EXT2: variants seen among roughly 807,000 people sequenced by gnomAD.
EXT2 encodes exostosin-2.
EXT2 carries 53 observed loss-of-function variants against 81.6 expected under a neutral mutation model. The observed-to-expected ratio is 0.65, with a 90% CI of 0.52 to 0.82. The LOEUF (loss-of-function observed/expected upper bound fraction) is 0.82. EXT2 is among the 40% of genes least tolerant of loss of function. The pLI, the probability that EXT2 is intolerant of heterozygous loss-of-function variation, is 0.00. For synonymous variants in EXT2, 320 were observed against 340.0 expected, an observed-to-expected ratio of 0.94 and a Z score of 0.65; for missense variants, 774 against 910.2, an observed-to-expected ratio of 0.85 and a Z score of 1.93.
chr11:44,189,473 C>T (rs1955362067), intron 8 of EXT2, among the ~76,000 whole-genome samples: 1 of 152,156 alleles, frequency 6.6e-6, no homozygotes, highest in Admixed American at 6.5e-5. Flanking sequence ...GCTGTACAGG[C>T]TTCTGCTTCT....
rs1590676431 is a variant in EXT2 at position 44,244,350 on chromosome 11, A to G, written c.*63A>G. The G allele has an allele frequency of 1.9e-6, 3 of 1,579,332 alleles. No homozygotes were observed. The East Asian group carries it at 6.7e-5, about 35-fold the overall frequency. ...ACAGAGGGAGAGAACAAGGCCTCCC[A>G]GCACTCTGATGTCAGAGTAGTAGGT... On this transcript the variant is annotated 3_prime_UTR_variant, in exon 14 of 14. Transcript: ENST00000533608.
chr11:44,096,346 T>C (rs762836059), intron 1 of EXT2: 9 of 1,529,684 alleles, frequency 5.9e-6, no homozygotes, highest in Non-Finnish European at 7.9e-6. Context: ...AGGGGCATGT[T>C]ATGCCGGGGA....
chr11:44,238,241 G>A (rs1215741885), intron 13 of EXT2, among the ~76,000 whole-genome samples: 1 of 152,140 alleles, frequency 6.6e-6, no homozygotes, highest in Non-Finnish European at 1.5e-5. Context: ...GTTGTGTGGT[G>A]ATACAATCAT....
intron 7 of EXT2, among the ~76,000 whole-genome samples, chr11:44,139,280 A>G (rs1954613833): frequency 6.6e-6 from 1 of 151,576 alleles, no homozygotes; most frequent in Non-Finnish European, 1.5e-5. Flanking sequence ...AAAAAATGGT[A>G]CTGAGCCTTT....
intron 6 of EXT2, among the ~76,000 whole-genome samples, chr11:44,129,756 T>C (rs2079307603): frequency 6.6e-6 from 1 of 152,182 alleles, no homozygotes; most frequent in Non-Finnish European, 1.5e-5. Context: ...TGTGTTCAAG[T>C]GACTGAAATA....
intron 10 of EXT2, among the ~76,000 whole-genome samples, chr11:44,226,168 C>T (rs1955836260): frequency 6.6e-6 from 1 of 152,142 alleles, no homozygotes; most frequent in African/African-American, 2.4e-5. Context: ...TGCCCCAGTA[C>T]CAAGGTACCA....
chr11:44,101,300 C>T (rs542232701), intron 1 of EXT2, among the ~76,000 whole-genome samples: 28 of 152,256 alleles, frequency 1.8e-4, no homozygotes, highest in African/African-American at 4.1e-4. Flanking sequence ...TTGGACACAA[C>T]GACCCATACC....
intron 7 of EXT2, chr11:44,144,430 G>A (rs2135065402): frequency 9.0e-7 from 1 of 1,106,116 alleles, no homozygotes; most frequent in East Asian, 2.4e-5. Context: ...TTATTGGTCA[G>A]TGGCTCCTGC....
At chr11:44,189,068 A>G (rs1040028466) in intron 8 of EXT2, among the ~76,000 whole-genome samples, 1 of 152,238 alleles carries the variant, frequency 6.6e-6, no homozygotes, top group Admixed American at 6.5e-5. Flanking sequence ...AGCAGTAGAC[A>G]TATTTGGCCT....
At chr11:44,135,053 G>A (rs1954545607) in intron 7 of EXT2, among the ~76,000 whole-genome samples, 1 of 152,228 alleles carries the variant, frequency 6.6e-6, no homozygotes, top group Admixed American at 6.5e-5. Context: ...TGAAGATGTA[G>A]TGGGCTGATT....
chr11:44,122,097 G>A (rs527307545), intron 4 of EXT2, among the ~76,000 whole-genome samples: 1 of 152,200 alleles, frequency 6.6e-6, no homozygotes, highest in Admixed American at 6.5e-5. Context: ...TAGAACACTA[G>A]TTTTGTGCTG....
intron 10 of EXT2, among the ~76,000 whole-genome samples, chr11:44,210,859 C>T (rs534137072): frequency 6.6e-6 from 1 of 152,260 alleles, no homozygotes; most frequent in East Asian, 1.9e-4. Flanking sequence ...GATCCAAAGA[C>T]TCAGTATTGT....
Position 44,107,919 on chromosome 11 carries a change from T to C in EXT2, c.207T>C (p.Val69=), listed in dbSNP as rs2134966416. ...EKRSIRDVPV[V]RLPADSPIPE... Reference sequence around the variant, plus strand: ...GCAGCATCCGTGATGTGCCGGTTGTTAGGCTGCCAGCCGACAGTCCCATCC... The same window carrying C: ...GCAGCATCCGTGATGTGCCGGTTGTCAGGCTGCCAGCCGACAGTCCCATCC... Residue 69 remains valine, a synonymous_variant, in exon 2 of 14, where the codon GTT becomes GTC. Transcript: ENST00000533608. 1 of 1,614,222 alleles carries C rather than the reference T, an allele frequency of 6.2e-7. No homozygotes were observed. The highest frequency in any genetic ancestry group is 2.2e-5 in the East Asian group (1 of 44,882).
rs188353259 is a variant in EXT2 at position 44,218,431 on chromosome 11, C to T, written c.1662+11472C>T. Reference sequence around the variant, plus strand: ...GGGTAATAGAGGGCCAGCGGAGGTGCAGGCTGAGAGGTCAACTGAAAAGTT... The same window carrying T: ...GGGTAATAGAGGGCCAGCGGAGGTGTAGGCTGAGAGGTCAACTGAAAAGTT... On this transcript the variant is annotated intron_variant, in intron 10 of 13. Coordinates refer to ENST00000533608, the MANE Select transcript of EXT2 (RefSeq NM_207122.2). 2.6e-4 allele frequency among the ~76,000 whole-genome samples: 39 copies of T among 152,236 alleles called. No individual in the cohort carries two copies. The East Asian group carries it at 6.9e-3, about 27-fold the overall frequency.
chr11:44,147,989 G>A (rs1403664693), intron 7 of EXT2, among the ~76,000 whole-genome samples: 1 of 152,058 alleles, frequency 6.6e-6, no homozygotes, highest in Non-Finnish European at 1.5e-5. Context: ...ACTAATAGTG[G>A]CATGAGAGGT....
In EXT2 at chr11:44,245,194, A is replaced by G; in HGVS notation, c.*907A>G. 4.4e-6 allele frequency: 1 copy of G among 228,836 alleles called. No individual in the cohort carries two copies. The highest frequency in any genetic ancestry group is 8.7e-6 in the Non-Finnish European group (1 of 114,948). The allele number at this position is 228,836 out of a possible 1,614,324, so 14.2% of individuals were successfully genotyped here. ...GTCAATGTTTTAAAGGTATTGTCAG[A>G]GAAAAACAGAGGGTCTGTACTAGCC... On this transcript the variant is annotated 3_prime_UTR_variant, in exon 14 of 14. Transcript: ENST00000533608.
chr11:44,228,946 T>C (rs1164691302), intron 10 of EXT2, among the ~76,000 whole-genome samples: 1 of 143,538 alleles, frequency 7.0e-6, no homozygotes, highest in East Asian at 1.9e-4. Flanking sequence ...GAGAGAGCTG[T>C]GTTGACTCAA....
At chr11:44,165,413 T>C (rs1430734590) in intron 7 of EXT2, among the ~76,000 whole-genome samples, 1 of 152,190 alleles carries the variant, frequency 6.6e-6, no homozygotes, top group East Asian at 1.9e-4. Context: ...GCAGAAACAA[T>C]TAAGCCTGAG....
chr11:44,122,673 T>C (rs1228495042), intron 4 of EXT2, among the ~76,000 whole-genome samples: 2 of 152,144 alleles, frequency 1.3e-5, no homozygotes, highest in Non-Finnish European at 2.9e-5. Context: ...ATCCAAACCA[T>C]CTCCCTGCTG....
Sources: allele counts gnomAD v4.1 joint callset (sites outside exome capture counted in the v4.1 genomes callset), GRCh38; gene constraint gnomAD v4.1.1; transcripts MANE v1.5; gene names NCBI Gene and HGNC (gene_info 2026-07-23, HGNC 2026-07-21).